VEPH1: variants seen among roughly 807,000 people sequenced by gnomAD.
VEPH1 encodes the protein ventricular zone expressed PH domain containing 1.
Under a neutral mutation model 85.2 loss-of-function variants are expected in VEPH1, and 80 were observed. The observed-to-expected ratio is 0.94, with a 90% CI of 0.78 to 1.13. The LOEUF (loss-of-function observed/expected upper bound fraction) is 1.13, where lower values mean the gene tolerates loss of function less well. VEPH1 is among the 50% of genes most tolerant of loss of function. VEPH1 has a pLI of 0.00. For synonymous variants in VEPH1, 297 were observed against 348.0 expected (o/e 0.85, Z 1.63); for missense variants, 955 against 980.5 (o/e 0.97, Z 0.35).
intron 5 of VEPH1, 78 bp downstream of exon 5, chr3:157,428,244 C>T (rs1732891442): frequency 7.5e-6 from 11 of 1,463,974 alleles, no homozygotes; most frequent in Middle Eastern, 2.1e-4. Flanking sequence ...GACAGGAAAT[C>T]CTAAGCACAT....
At chr3:157,315,162 G>T (rs1180042113) in intron 10 of VEPH1, among the ~76,000 whole-genome samples, 1 of 151,926 alleles carries the variant, frequency 6.6e-6, no homozygotes, top group Non-Finnish European at 1.5e-5. Flanking sequence ...GAGACTAAGT[G>T]GTTTGTATGT....
chr3:157,315,337 A>T (rs1720632328), intron 10 of VEPH1, among the ~76,000 whole-genome samples: 1 of 152,118 alleles, frequency 6.6e-6, no homozygotes, highest in South Asian at 2.1e-4. Context: ...AGCAATAGAT[A>T]AATTACATAA....
intron 6 of VEPH1, among the ~76,000 whole-genome samples, chr3:157,391,612 A>G (rs1360912476): frequency 6.6e-6 from 1 of 152,230 alleles, no homozygotes; most frequent in Non-Finnish European, 1.5e-5. Context: ...TGACATACCA[A>G]TCAGACATTC....
chr3:157,264,230 G>A (rs1713299000), intron 13 of VEPH1, among the ~76,000 whole-genome samples: 1 of 152,158 alleles, frequency 6.6e-6, no homozygotes, highest in Non-Finnish European at 1.5e-5. Context: ...CAGACTCTGG[G>A]ACTTACATCC....
At chr3:157,374,831 T>C (rs1460851335) in intron 7 of VEPH1, among the ~76,000 whole-genome samples, 2 of 152,196 alleles carry the variant, frequency 1.3e-5, no homozygotes, top group Non-Finnish European at 2.9e-5. Flanking sequence ...GGGTACCTCT[T>C]TGGGGAGGAA....
intron 10 of VEPH1, 143 bp downstream of exon 10, chr3:157,316,919 G>T: frequency 1.3e-6 from 1 of 746,964 alleles, no homozygotes; most frequent in Non-Finnish European, 1.9e-6. Flanking sequence ...ATAAAAAACC[G>T]AGGTTAAAGT....
At chr3:157,462,215 A>T (rs1357609966) in intron 3 of VEPH1, among the ~76,000 whole-genome samples, 1 of 151,796 alleles carries the variant, frequency 6.6e-6, no homozygotes, top group Non-Finnish European at 1.5e-5. Context: ...AATATGCTCA[A>T]TTTCATTAAT....
chr3:157,463,431 A>G (rs181737241), intron 3 of VEPH1, among the ~76,000 whole-genome samples: 1 of 152,336 alleles, frequency 6.6e-6, no homozygotes, highest in Non-Finnish European at 1.5e-5. Context: ...AGTTCTTAAC[A>G]TCACGGAAGT....
At chr3:157,398,518 C>G (rs1267794499) in intron 6 of VEPH1, among the ~76,000 whole-genome samples, 1 of 152,014 alleles carries the variant, frequency 6.6e-6, no homozygotes, top group Non-Finnish European at 1.5e-5. Flanking sequence ...ACTGTAGTCT[C>G]AGCTACTTAG....
intron 9 of VEPH1, among the ~76,000 whole-genome samples, chr3:157,350,604 A>T (rs73156754): frequency 0.04 from 6,116 of 152,318 alleles, 158 homozygotes; most frequent in South Asian, 0.11. Flanking sequence ...AGGAATAAAT[A>T]TTTGCAAACT....
At chr3:157,434,059 T>C (rs929362600) in intron 4 of VEPH1, among the ~76,000 whole-genome samples, 1 of 152,212 alleles carries the variant, frequency 6.6e-6, no homozygotes. Flanking sequence ...TGAAACTATA[T>C]TACTAGATAA....
At chr3:157,348,831 C>T (rs1386567978) in intron 9 of VEPH1, among the ~76,000 whole-genome samples, 1 of 152,212 alleles carries the variant, frequency 6.6e-6, no homozygotes, top group Non-Finnish European at 1.5e-5. Context: ...CTTGGGCCAG[C>T]AGGTTGGCCA....
intron 9 of VEPH1, among the ~76,000 whole-genome samples, chr3:157,331,625 C>T (rs1722514232): frequency 6.6e-6 from 1 of 152,170 alleles, no homozygotes; most frequent in South Asian, 2.1e-4. Flanking sequence ...GGGCAATAGC[C>T]TAGCATAGCA....
At chr3:157,480,005 CTTTT>C (rs1232835926) in intron 2 of VEPH1, among the ~76,000 whole-genome samples, 2 of 150,480 alleles carry the variant, frequency 1.3e-5, no homozygotes, top group African/African-American at 4.9e-5. Context: ...CTCTTTCTTT[CTTTT>C]TCTTTCTTTT....
intron 6 of VEPH1, chr3:157,409,591 T>G: frequency 1.0e-6 from 1 of 983,742 alleles, no homozygotes. Context: ...GGATTTTGGT[T>G]TTTGTTTTAT....
chr3:157,390,219 T>G (rs1023063435), intron 6 of VEPH1, among the ~76,000 whole-genome samples: 11 of 152,172 alleles, frequency 7.2e-5, no homozygotes, highest in African/African-American at 2.4e-4. Context: ...ACAAAAAAAG[T>G]TTGAACAATG....
chr3:157,451,685 A>G (rs985377480), intron 4 of VEPH1, among the ~76,000 whole-genome samples: 18 of 152,296 alleles, frequency 1.2e-4, no homozygotes, highest in African/African-American at 4.1e-4. Flanking sequence ...TAAAAATATG[A>G]TCAAGGAAAT....
chr3:157,308,600 C>T (rs1719771558), intron 11 of VEPH1, among the ~76,000 whole-genome samples: 1 of 151,882 alleles, frequency 6.6e-6, no homozygotes. Context: ...TCAAACTAGT[C>T]TCACCTATTT....
rs761202849 is a variant in VEPH1, at chr3:157,381,276, T to TTA, written c.1006_1007insTA (p.Asp336ValfsTer18). 7.5e-6 allele frequency: 12 copies of TTA among 1,596,886 alleles called. No individual in the cohort carries two copies. In the South Asian group the frequency reaches 1.3e-4, roughly 18 times the overall value. On this transcript the variant is annotated frameshift_variant, in exon 7 of 14. Transcript: ENST00000362010. LOFTEE classifies it high-confidence loss of function. Reference sequence around the variant, plus strand: ...AGGGCCCAAGATTGAGGAGAAGGTGTCGGTGATGCTTTTAATCTCCAGCAG... The same window carrying TTA: ...AGGGCCCAAGATTGAGGAGAAGGTGTTACGGTGATGCTTTTAATCTCCAGCAG...
Sources: gnomAD v4.1 joint callset for allele counts (sites outside exome capture counted in the v4.1 genomes callset) on GRCh38, gnomAD v4.1.1 for gene constraint, MANE v1.5 for transcripts, NCBI Gene and HGNC (gene_info 2026-07-23, HGNC 2026-07-21) for gene names.